HDAC9: variants seen among roughly 807,000 people sequenced by gnomAD.
HDAC9 encodes the protein histone deacetylase 9.
In HDAC9, 41 loss-of-function variants were observed where a neutral mutation model predicts 139.4. That is an observed-to-expected ratio of 0.29 (90% confidence interval 0.23 to 0.38). The LOEUF is 0.38. HDAC9 is among the 10% of genes least tolerant of loss of function. HDAC9 has a pLI of 1.00. For synonymous variants in HDAC9, 517 were observed against 476.2 expected, an observed-to-expected ratio of 1.09 and a Z score of -1.12; for missense variants, 1,147 against 1,297.0, an observed-to-expected ratio of 0.88 and a Z score of 1.78.
At chr7:18,257,096 GTA>G (rs1217723610) in intron 2 of HDAC9, among the ~76,000 whole-genome samples, 6 of 144,548 alleles carry the variant, frequency 4.2e-5, no homozygotes, top group Admixed American at 2.2e-4. Flanking sequence ...CTCAAATTGT[GTA>G]TGTGTGTGTG....
At chr7:18,970,254 G>T (rs919400696) in intron 24 of HDAC9, among the ~76,000 whole-genome samples, 2 of 152,140 alleles carry the variant, frequency 1.3e-5, no homozygotes, top group Non-Finnish European at 2.9e-5. Flanking sequence ...ATTAACATGT[G>T]TGATATTCAG....
At chr7:18,924,555 G>A (rs947535073) in intron 22 of HDAC9, among the ~76,000 whole-genome samples, 4 of 152,038 alleles carry the variant, frequency 2.6e-5, no homozygotes. Context: ...CAATTCCAAG[G>A]AATGTTTTTG....
intron 22 of HDAC9, among the ~76,000 whole-genome samples, chr7:18,906,012 CT>C (rs1163934992): frequency 1.1e-4 from 16 of 144,838 alleles, no homozygotes; most frequent in Non-Finnish European, 2.1e-4. Context: ...TTTATTTTTT[CT>C]TTCTTTTTGC....
At chr7:18,134,253 G>C (rs1785237152) in intron 1 of HDAC9, among the ~76,000 whole-genome samples, 1 of 152,156 alleles carries the variant, frequency 6.6e-6, no homozygotes, top group Non-Finnish European at 1.5e-5. Context: ...GTAATGCCAA[G>C]TATATACCTG....
At chr7:18,957,698 A>T (rs1033235141) in intron 24 of HDAC9, among the ~76,000 whole-genome samples, 1 of 152,186 alleles carries the variant, frequency 6.6e-6, no homozygotes, top group Non-Finnish European at 1.5e-5. Context: ...TCGCAACTGC[A>T]CAGGTAACCC....
At chr7:18,149,684 G>A (rs1344007427) in intron 1 of HDAC9, among the ~76,000 whole-genome samples, 1 of 151,892 alleles carries the variant, frequency 6.6e-6, no homozygotes, top group Non-Finnish European at 1.5e-5. Flanking sequence ...CCAAGTAGCT[G>A]GGACTATAGG....
At chr7:18,253,218 A>G (rs910185507) in intron 2 of HDAC9, among the ~76,000 whole-genome samples, 1 of 152,174 alleles carries the variant, frequency 6.6e-6, no homozygotes, top group African/African-American at 2.4e-5. Flanking sequence ...GAGCATATGC[A>G]TGCATGTGTC....
intron 22 of HDAC9, chr7:18,906,792 G>A (rs1026457875): frequency 2.0e-5 from 3 of 152,216 alleles, no homozygotes; most frequent in African/African-American, 7.2e-5. Context: ...CAATCCACCT[G>A]TTCTTTATTC....
intron 13 of HDAC9, among the ~76,000 whole-genome samples, chr7:18,740,597 A>G (rs533676617): frequency 2.6e-5 from 4 of 152,306 alleles, no homozygotes; most frequent in Admixed American, 2.0e-4. Context: ...ATTTAGACCA[A>G]TTTATAAACC....
intron 23 of HDAC9, 22 bp from the exon 24 acceptor site, chr7:18,954,124 C>A: frequency 6.1e-6 from 9 of 1,487,472 alleles, no homozygotes; most frequent in Non-Finnish European, 8.3e-6. Flanking sequence ...TCTGCTCATA[C>A]TATTATCTAC....
At chr7:18,547,857 T>TTCCTTCCTTCCCTCCCTCCC (rs1563229989) in intron 2 of HDAC9, among the ~76,000 whole-genome samples, 2 of 118,498 alleles carry the variant, frequency 1.7e-5, no homozygotes, top group African/African-American at 7.9e-5. Flanking sequence ...CCTTCCTTCC[T>TTCCTTCCTTCCCTCCCTCCC]ACCCTCCCTC....
intron 2 of HDAC9, among the ~76,000 whole-genome samples, chr7:18,534,362 G>A (rs1420206032): frequency 6.6e-6 from 1 of 152,162 alleles, no homozygotes; most frequent in African/African-American, 2.4e-5. Context: ...ACAACACGGT[G>A]TGACCCTGTT....
intron 22 of HDAC9, among the ~76,000 whole-genome samples, chr7:18,888,380 G>C (rs1243093122): frequency 6.6e-6 from 1 of 152,158 alleles, no homozygotes; most frequent in African/African-American, 2.4e-5. Flanking sequence ...AGCCGAGAGC[G>C]TGTCACTGCA....
intron 2 of HDAC9, among the ~76,000 whole-genome samples, chr7:18,535,649 G>A (rs1242038427): frequency 8.4e-6 from 1 of 118,660 alleles, no homozygotes; most frequent in African/African-American, 3.2e-5. Context: ...GAAAGTATCA[G>A]AAATGGCTTT....
chr7:18,900,487 T>A (rs1801601908), intron 22 of HDAC9, among the ~76,000 whole-genome samples: 1 of 152,150 alleles, frequency 6.6e-6, no homozygotes, highest in South Asian at 2.1e-4. Flanking sequence ...AGTCCTGCTA[T>A]ATTAAGGGTT....
intron 17 of HDAC9, among the ~76,000 whole-genome samples, chr7:18,815,181 A>G (rs928493504): frequency 2.0e-5 from 3 of 152,094 alleles, no homozygotes; most frequent in Admixed American, 2.0e-4. Context: ...CTTAAAAACA[A>G]AAACAAATCT....
chr7:18,483,846 A>G (rs528292614), intron 1 of HDAC9, among the ~76,000 whole-genome samples: 37 of 152,308 alleles, frequency 2.4e-4, no homozygotes, highest in South Asian at 4.1e-4. Flanking sequence ...TTATTGGCAC[A>G]GATTCAAAAT....
intron 17 of HDAC9, among the ~76,000 whole-genome samples, chr7:18,804,258 G>A (rs1364477910): frequency 6.6e-6 from 1 of 152,120 alleles, no homozygotes; most frequent in Non-Finnish European, 1.5e-5. Flanking sequence ...TCAGGGTGGG[G>A]CAAATAAGCA....
intron 2 of HDAC9, among the ~76,000 whole-genome samples, chr7:18,561,211 C>A (rs1820495553): frequency 6.6e-6 from 1 of 152,176 alleles, no homozygotes; most frequent in Non-Finnish European, 1.5e-5. Flanking sequence ...CCAAAAGAAG[C>A]TGGTAATAGT....
Sources: gnomAD v4.1 joint callset for allele counts (sites outside exome capture counted in the v4.1 genomes callset) on GRCh38, gnomAD v4.1.1 for gene constraint, MANE v1.5 for transcripts, NCBI Gene and HGNC (gene_info 2026-07-23, HGNC 2026-07-21) for gene names.